ERAP1: variants seen among roughly 807,000 people sequenced by gnomAD.
The protein encoded by ERAP1 is adipocyte-derived leucine aminopeptidase.
Under a neutral mutation model 103.7 loss-of-function variants are expected in ERAP1, and 86 were observed. The observed-to-expected ratio is 0.83, with a 90% CI of 0.70 to 0.99. The LOEUF is 0.99. Ranked by LOEUF, ERAP1 falls within the 50% of genes least tolerant of loss-of-function variation. The pLI is 0.00. For synonymous variants in ERAP1, 398 were observed against 402.4 expected (o/e 0.99, Z 0.13); for missense variants, 1,009 against 1,128.4 (o/e 0.89, Z 1.52).
At chr5:96,786,727 C>A (rs34055703) in intron 11 of ERAP1, 178 bp from the exon 12 acceptor site, 2 of 584,462 alleles carry the variant, frequency 3.4e-6, no homozygotes, top group Non-Finnish European at 6.1e-6. Flanking sequence ...AGTGTCAGCT[C>A]GGGCACTATT....
chr5:96,784,105 T>A, intron 13 of ERAP1, 25 bp from the exon 14 acceptor site: 1 of 1,613,844 alleles, frequency 6.2e-7, no homozygotes, highest in Non-Finnish European at 8.5e-7. Flanking sequence ...CTGTGGTTAG[T>A]GGTTTAAAAG....
the ERAP1 span, chr5:96,883,940 C>A: frequency 2.4e-5 from 38 of 1,555,058 alleles, no homozygotes; most frequent in Non-Finnish European, 2.9e-5. Context: ...GGTATGTCCA[C>A]TTCCAGAAAC....
chr5:96,883,876 TTCAA>T, the ERAP1 span: 4 of 1,613,802 alleles, frequency 2.5e-6, no homozygotes, highest in Non-Finnish European at 3.4e-6. Flanking sequence ...AAGCCAACTT[TTCAA>T]TCAAGATACG....
At chr5:96,901,760 C>G in the ERAP1 span, 1 of 1,437,352 alleles carries the variant, frequency 7.0e-7, no homozygotes, top group South Asian at 1.3e-5. Context: ...CTCAGCTCAT[C>G]TGGCAACTTT....
At chr5:96,901,599 G>T in the ERAP1 span, 2 of 1,614,094 alleles carry the variant, frequency 1.2e-6, no homozygotes, top group Admixed American at 1.7e-5. Flanking sequence ...TAAACAAGAC[G>T]GGTGTTCACT....
chr5:96,887,236 T>C, the ERAP1 span, among the ~76,000 whole-genome samples: 5 of 151,758 alleles, frequency 3.3e-5, no homozygotes, highest in African/African-American at 1.2e-4. Context: ...ATATTAATAA[T>C]TGCATGGAGG....
At chr5:96,916,222 A>G in the ERAP1 span, among the ~76,000 whole-genome samples, 1 of 122,480 alleles carries the variant, frequency 8.2e-6, no homozygotes. Flanking sequence ...CTCCATCTCA[A>G]AAAAACAAAA....
chr5:96,849,048 C>A, the ERAP1 span, among the ~76,000 whole-genome samples: 2 of 151,858 alleles, frequency 1.3e-5, no homozygotes, highest in East Asian at 3.9e-4. Flanking sequence ...ACAATAGATG[C>A]AAAAAAAGCA....
the ERAP1 span, among the ~76,000 whole-genome samples, chr5:96,844,534 A>C: frequency 6.6e-6 from 1 of 152,244 alleles, no homozygotes; most frequent in African/African-American, 2.4e-5. Flanking sequence ...CTCGTTAATG[A>C]ATTAACATTT....
rs1185602922 is a variant in ERAP1 at position 96,792,080 on chromosome 5, T to G, written c.1301A>C (p.Asp434Ala). Reference protein sequence around the residue: ...ENPAQIREMFDDVSYDKGACI... With the variant: ...ENPAQIREMFADVSYDKGACI... ...TTTTACCTTATCATAAGAAACATCA[T>G]CAAACATCTCCCGGATCTGAGCAGG... Residue 434 changes from aspartate (D) to alanine (A), a missense_variant, in exon 8 of 19, where the codon GAT (aspartate) becomes GCT (alanine). By Grantham distance (126) the Asp-to-Ala change is moderately radical (BLOSUM62 -2). Around this residue, in one of 3 missense-constraint regions of ERAP1, gnomAD observed 611 missense variants for 651.7 expected, o/e 0.94. Transcript: ENST00000443439. 2 of 1,613,904 alleles carry G rather than the reference T, an allele frequency of 1.2e-6. No homozygotes were observed. The highest frequency in any genetic ancestry group is 8.5e-7 in the Non-Finnish European group (1 of 1,179,918).
At chr5:96,793,760 A>T in intron 6 of ERAP1, 43 bp downstream of exon 6, 1 of 1,538,836 alleles carries the variant, frequency 6.5e-7, no homozygotes, top group Non-Finnish European at 8.9e-7. Flanking sequence ...GAAGCAATAT[A>T]AATGTAGTTT....
chr5:96,931,079 A>T, the ERAP1 span, among the ~76,000 whole-genome samples: 8 of 152,210 alleles, frequency 5.3e-5, no homozygotes, highest in South Asian at 1.7e-3. Context: ...CAAGGCTGTA[A>T]ATCAATTGTT....
In ERAP1 at chr5:96,781,676, A is replaced by G; in HGVS notation, c.2447+17T>C. 1 of 1,614,056 alleles carries G rather than the reference A, an allele frequency of 6.2e-7. No homozygotes were observed. The highest frequency in any genetic ancestry group is 8.5e-7 in the Non-Finnish European group (1 of 1,180,010). ...ATTTCCCTTGGCCACATGAACATGAATGAATGACGGACTCACCATTGAAGC... is the reference window on the plus strand; with the variant it reads ...ATTTCCCTTGGCCACATGAACATGAGTGAATGACGGACTCACCATTGAAGC... On this transcript the variant is annotated intron_variant, in intron 16 of 18. Coordinates refer to ENST00000443439, the MANE Select transcript of ERAP1 (RefSeq NM_001040458.3).
the ERAP1 span, among the ~76,000 whole-genome samples, chr5:96,894,657 A>AT: frequency 1.3e-5 from 2 of 152,250 alleles, no homozygotes; most frequent in South Asian, 4.1e-4. Flanking sequence ...TGATTTATAT[A>AT]TTTTTTAAAT....
chr5:96,877,713 C>T, the ERAP1 span, among the ~76,000 whole-genome samples: 1 of 147,400 alleles, frequency 6.8e-6, no homozygotes, highest in African/African-American at 2.5e-5. Context: ...GCCTCAGACC[C>T]ACATAATAAG....
chr5:96,852,968 A>T, the ERAP1 span, among the ~76,000 whole-genome samples: 134 of 152,300 alleles, frequency 8.8e-4, 2 homozygotes, highest in Admixed American at 8.8e-3. Context: ...AGGCAAAGTG[A>T]CAAGTAGACT....
intron 3 of ERAP1, among the ~76,000 whole-genome samples, chr5:96,799,803 A>G (rs1370326083): frequency 6.6e-6 from 1 of 152,236 alleles, no homozygotes; most frequent in Admixed American, 6.5e-5. Context: ...CAAGGGTGGG[A>G]GTGGGGACAG....
chr5:96,784,104 G>A, intron 13 of ERAP1, 24 bp from the exon 14 acceptor site: 2 of 1,613,762 alleles, frequency 1.2e-6, no homozygotes, highest in South Asian at 2.2e-5. Context: ...ACTGTGGTTA[G>A]TGGTTTAAAA....
chr5:96,931,410 G>C, the ERAP1 span, among the ~76,000 whole-genome samples: 1 of 152,120 alleles, frequency 6.6e-6, no homozygotes, highest in African/African-American at 2.4e-5. Context: ...TCCCACCTTG[G>C]CCTCCCAAAG....
Sources: allele counts gnomAD v4.1 joint callset (sites outside exome capture counted in the v4.1 genomes callset), GRCh38; gene constraint gnomAD v4.1.1; regional missense constraint gnomAD v4.1.1; transcripts MANE v1.5; gene names NCBI Gene and HGNC (gene_info 2026-07-23, HGNC 2026-07-21).